FGF9: variants seen among roughly 807,000 people sequenced by gnomAD.
FGF9 encodes the protein fibroblast growth factor 9.
Under a neutral mutation model 19.9 loss-of-function variants are expected in FGF9, and 3 were observed. The ratio of observed to expected loss-of-function variants is 0.15; its 90% CI spans 0.07 to 0.39. The LOEUF is 0.39. Among genes scored for constraint, FGF9 ranks in the 10% least tolerant of loss-of-function variants. FGF9 has a pLI of 1.00. For synonymous variants in FGF9, 107 were observed against 106.9 expected (o/e 1.00, Z -0.01); for missense variants, 175 against 256.8 (o/e 0.68, Z 2.18).
chr13:21,701,282 T>C lies in FGF9; in HGVS notation c.474T>C (p.Thr158=). The change falls in exon 3 of 3, where the codon ACT becomes ACC. Residue 158 remains threonine, a synonymous_variant. Coordinates refer to ENST00000382353, the MANE Select transcript of FGF9 (RefSeq NM_002010.3). ...CAAACCTATATAAGCACGTGGACAC[T>C]GGAAGGCGATACTATGTTGCATTAA... ...YSSNLYKHVD[T]GRRYYVALNK... is the part of the protein sequence containing the mutation. The C allele has an allele frequency of 6.2e-7, 1 of 1,613,944 alleles. No individual in the cohort carries two copies. The highest frequency in any genetic ancestry group is 1.1e-5 in the South Asian group (1 of 91,058).
chr13:21,695,224 A>C (rs1168973447), intron 2 of FGF9, among the ~76,000 whole-genome samples: 1 of 151,906 alleles, frequency 6.6e-6, no homozygotes, highest in African/African-American at 2.4e-5. Flanking sequence ...TTTTTGTTTT[A>C]GGTGGAGGAG....
intron 2 of FGF9, among the ~76,000 whole-genome samples, chr13:21,699,892 T>A (rs1872499044): frequency 6.6e-6 from 1 of 152,202 alleles, no homozygotes; most frequent in Non-Finnish European, 1.5e-5. Flanking sequence ...ATATCGATTT[T>A]AAAAGTTTCA....
chr13:21,688,189 C>A (rs1872204859), intron 2 of FGF9, among the ~76,000 whole-genome samples: 2 of 152,206 alleles, frequency 1.3e-5, no homozygotes, highest in Non-Finnish European at 2.9e-5. Context: ...ATGGCAAGGA[C>A]CACTCAGCTT....
rs560071621 is a variant in FGF9 at position 21,685,024 on chromosome 13, C to T, written c.381+3879C>T. ...CACTGGGTTTGTGGTTATCATGCCT[C>T]GTGTGGCAGTGAGAATGAGGAGTGA... On this transcript the variant is annotated intron_variant, in intron 2 of 2. Transcript: ENST00000382353. Among the ~76,000 whole-genome samples the T allele has an allele frequency of 5.9e-5, 9 of 152,176 alleles. No homozygotes were observed. The South Asian group carries it at 8.3e-4, about 14-fold the overall frequency.
chr13:21,673,041 TC>T (rs1871806596), intron 1 of FGF9, among the ~76,000 whole-genome samples: 1 of 152,184 alleles, frequency 6.6e-6, no homozygotes, highest in South Asian at 2.1e-4. Flanking sequence ...GGCTGGTGGC[TC>T]TGCCCACTTT....
At chr13:21,676,441 A>G (rs531379257) in intron 1 of FGF9, among the ~76,000 whole-genome samples, 1 of 152,324 alleles carries the variant, frequency 6.6e-6, no homozygotes, top group South Asian at 2.1e-4. Flanking sequence ...TCAGGAAAAC[A>G]CTGGGTGTTT....
At chr13:21,690,785 A>G (rs1872271856) in intron 2 of FGF9, among the ~76,000 whole-genome samples, 1 of 152,116 alleles carries the variant, frequency 6.6e-6, no homozygotes, top group African/African-American at 2.4e-5. Context: ...CCTCTTTGGG[A>G]TCTGTTTCGT....
In FGF9 at chr13:21,701,900, C is replaced by T. The variant is rs975838916; in HGVS notation, c.*465C>T. On this transcript the variant is annotated 3_prime_UTR_variant, in exon 3 of 3. Transcript: ENST00000382353. ...TATCAGGATTCTGGCTGGTGGCCTGCGCGAGGGTGCAGTCTTACTTAAAAG... is the reference window on the plus strand; with the variant it reads ...TATCAGGATTCTGGCTGGTGGCCTGTGCGAGGGTGCAGTCTTACTTAAAAG... The T allele has an allele frequency of 1.2e-5, 2 of 169,116 alleles. No homozygotes were observed. The highest frequency in any genetic ancestry group is 2.6e-5 in the Non-Finnish European group (2 of 77,818). 10.5% of individuals were successfully genotyped at this position (169,116 alleles called of 1,614,324 possible). A position where few individuals can be genotyped will look rare whatever the true frequency, so the allele number is the denominator to read the frequency against.
intron 2 of FGF9, among the ~76,000 whole-genome samples, chr13:21,683,521 C>T (rs942419945): frequency 3.3e-5 from 5 of 152,182 alleles, no homozygotes; most frequent in Non-Finnish European, 7.3e-5. Flanking sequence ...ACACACAGTG[C>T]GTGGGCAGGA....
chr13:21,685,196 T>C (rs1872130649), intron 2 of FGF9, among the ~76,000 whole-genome samples: 1 of 151,020 alleles, frequency 6.6e-6, no homozygotes, highest in African/African-American at 2.4e-5. Flanking sequence ...AAATTGGAGA[T>C]TTTTTTTTTC....
At chr13:21,686,091 G>T (rs980144130) in intron 2 of FGF9, among the ~76,000 whole-genome samples, 1 of 152,196 alleles carries the variant, frequency 6.6e-6, no homozygotes, top group Non-Finnish European at 1.5e-5. Flanking sequence ...GTCTTACTCT[G>T]TCACCCAGGC....
chr13:21,692,548 T>C (rs1872316562), intron 2 of FGF9, among the ~76,000 whole-genome samples: 1 of 152,208 alleles, frequency 6.6e-6, no homozygotes, highest in African/African-American at 2.4e-5. Flanking sequence ...CTTCTCACTC[T>C]TTCTGAGCTG....
chr13:21,695,150 T>C (rs889803831), intron 2 of FGF9, among the ~76,000 whole-genome samples: 1 of 151,878 alleles, frequency 6.6e-6, no homozygotes, highest in South Asian at 2.1e-4. Flanking sequence ...ACCCATATCA[T>C]TGAGTTCCCA....
At chr13:21,701,139 A>G (rs758824655) in intron 2 of FGF9, 51 bp from the exon 3 acceptor site, 2 of 1,477,224 alleles carry the variant, frequency 1.4e-6, no homozygotes, top group South Asian at 2.4e-5. Flanking sequence ...TATTAAGCCC[A>G]GCATGCATTA....
intron 2 of FGF9, among the ~76,000 whole-genome samples, chr13:21,694,104 A>AT (rs1003283160): frequency 2.0e-5 from 3 of 151,866 alleles, no homozygotes; most frequent in Admixed American, 6.6e-5. Context: ...TCTTAGTGCA[A>AT]TTTTTTCATT....
intron 2 of FGF9, among the ~76,000 whole-genome samples, chr13:21,690,943 G>C (rs1872276695): frequency 6.6e-6 from 1 of 152,156 alleles, no homozygotes; most frequent in South Asian, 2.1e-4. Context: ...AGAAGCCGCT[G>C]GTTGTGAGTT....
intron 1 of FGF9, among the ~76,000 whole-genome samples, chr13:21,676,357 T>A (rs757613958): frequency 3.7e-4 from 57 of 152,308 alleles, no homozygotes; most frequent in Admixed American, 9.1e-4. Context: ...ATGATTTTTT[T>A]AAACAGGTGT....
chr13:21,689,040 G>A (rs551361664), intron 2 of FGF9, among the ~76,000 whole-genome samples: 70 of 152,270 alleles, frequency 4.6e-4, no homozygotes, highest in Middle Eastern at 3.4e-3. Context: ...TCTGGGATGC[G>A]AATTTGGAGG....
Position 21,674,432 on chromosome 13 carries a change from G to C in FGF9, c.277+2243G>C, listed in dbSNP as rs375273388. On this transcript the variant is annotated intron_variant, in intron 1 of 2. Coordinates refer to ENST00000382353, the MANE Select transcript of FGF9 (RefSeq NM_002010.3). ...TAACCGCTTTCCGAGAGCAGAGCTC[G>C]CGAGCTCGCCGATCGCGATCTGGCT... is the stretch of plus-strand genomic sequence containing the variant. Among the ~76,000 whole-genome samples, 59 of 152,094 alleles carry C rather than the reference G, an allele frequency of 3.9e-4. No homozygotes were observed. In the East Asian group the frequency reaches 6.1e-3, roughly 16 times the overall value.
Sources: gnomAD v4.1 joint callset for allele counts (sites outside exome capture counted in the v4.1 genomes callset) on GRCh38, gnomAD v4.1.1 for gene constraint, MANE v1.5 for transcripts, NCBI Gene and HGNC (gene_info 2026-07-23, HGNC 2026-07-21) for gene names.